GYPC: variants seen among roughly 807,000 people sequenced by gnomAD.
GYPC encodes glycophorin C (Gerbich blood group).
A neutral mutation model predicts 12.6 loss-of-function variants in GYPC; 14 were observed. That is an observed-to-expected ratio of 1.11 (90% CI 0.74 to 1.74). The LOEUF (loss-of-function observed/expected upper bound fraction) is 1.74. Ranked by LOEUF, GYPC falls within the 40% of genes most tolerant of loss-of-function variation. GYPC has a pLI of 0.00. For synonymous variants in GYPC, 78 were observed against 62.1 expected (o/e 1.26, Z -1.20); for missense variants, 225 against 172.1 (o/e 1.31, Z -1.72).
intron 1 of GYPC, chr2:126,685,838 A>T (rs1174438493): frequency 1.0e-6 from 1 of 985,080 alleles, no homozygotes; most frequent in Non-Finnish European, 1.2e-6. Context: ...GAAGTCTCCA[A>T]GGACCCCCAT....
intron 1 of GYPC, chr2:126,686,462 G>A (rs560765748): frequency 8.1e-5 from 80 of 985,402 alleles, no homozygotes; most frequent in Non-Finnish European, 9.6e-5. Flanking sequence ...CAAATCCCAT[G>A]GATGAAAAGC....
intron 1 of GYPC, among the ~76,000 whole-genome samples, chr2:126,666,053 T>A (rs893523099): frequency 3.2e-4 from 49 of 152,154 alleles, no homozygotes; most frequent in Admixed American, 2.6e-3. Flanking sequence ...CCTTTCTTTG[T>A]TCCCCCCACA....
intron 1 of GYPC, among the ~76,000 whole-genome samples, chr2:126,677,247 G>T (rs988983657): frequency 3.3e-5 from 5 of 151,994 alleles, no homozygotes; most frequent in Non-Finnish European, 5.9e-5. Flanking sequence ...GTGTGTAAGA[G>T]TATATGTGTA....
rs542318572 is a variant in GYPC, at chr2:126,694,159, A to G, written c.190+212A>G. On this transcript the variant is annotated intron_variant, in intron 3 of 3. Coordinates refer to ENST00000259254, the MANE Select transcript of GYPC (RefSeq NM_002101.5). ...ATCGTACGTATCTATGTATGTATTTATTGGCCTTTCTCAGGGCTTTTGACT... is the reference window on the plus strand; with the variant it reads ...ATCGTACGTATCTATGTATGTATTTGTTGGCCTTTCTCAGGGCTTTTGACT... 3.3e-5 allele frequency among the ~76,000 whole-genome samples: 5 copies of G among 152,222 alleles called. No homozygotes were observed. The South Asian group carries it at 1.0e-3, about 32-fold the overall frequency.
At chr2:126,684,232 T>C (rs1309304250) in intron 1 of GYPC, among the ~76,000 whole-genome samples, 1 of 152,182 alleles carries the variant, frequency 6.6e-6, no homozygotes, top group East Asian at 1.9e-4. Flanking sequence ...AACAGGCTGG[T>C]CAAGTTCACA....
chr2:126,689,048 C>T (rs1430769124), intron 1 of GYPC, among the ~76,000 whole-genome samples: 2 of 152,178 alleles, frequency 1.3e-5, no homozygotes, highest in Non-Finnish European at 1.5e-5. Context: ...CATCAGGTCC[C>T]CAATGTCCTA....
intron 1 of GYPC, among the ~76,000 whole-genome samples, chr2:126,672,984 G>T (rs1043433925): frequency 2.6e-5 from 4 of 152,084 alleles, no homozygotes; most frequent in Non-Finnish European, 5.9e-5. Context: ...ACCCATGTCA[G>T]AGGTACAGAC....
chr2:126,689,685 C>T (rs1683398014), intron 1 of GYPC, among the ~76,000 whole-genome samples: 1 of 152,086 alleles, frequency 6.6e-6, no homozygotes, highest in African/African-American at 2.4e-5. Context: ...CTTGTGGTCT[C>T]TTTGCGAATG....
At chr2:126,685,939 ACT>A in intron 1 of GYPC, 1 of 984,278 alleles carries the variant, frequency 1.0e-6, no homozygotes, top group Non-Finnish European at 1.2e-6. Context: ...AGCCATCCTC[ACT>A]CTCAACTCCC....
intron 2 of GYPC, 105 bp from the exon 3 acceptor site, chr2:126,693,759 C>T (rs1683546104): frequency 2.5e-6 from 2 of 813,386 alleles, no homozygotes; most frequent in Non-Finnish European, 4.4e-6. Context: ...TGGACCCATT[C>T]TCAGAGCTGC....
intron 1 of GYPC, among the ~76,000 whole-genome samples, chr2:126,666,102 G>A (rs928763408): frequency 2.6e-5 from 4 of 152,182 alleles, no homozygotes; most frequent in Middle Eastern, 3.2e-3. Context: ...TCCTCCGCAG[G>A]CACCCACCTG....
At chr2:126,690,769 T>C (rs28387206) in intron 2 of GYPC, among the ~76,000 whole-genome samples, 1,609 of 152,198 alleles carry the variant, frequency 0.011, 32 homozygotes, top group African/African-American at 0.037. Flanking sequence ...CAAGGAAACT[T>C]GAGCCTGCCT....
chr2:126,693,066 A>C (rs907218317), intron 2 of GYPC, among the ~76,000 whole-genome samples: 1 of 152,214 alleles, frequency 6.6e-6, no homozygotes, highest in African/African-American at 2.4e-5. Context: ...TTGACCCTGC[A>C]AAAGCTCATG....
chr2:126,668,678 C>T (rs568725856), intron 1 of GYPC, among the ~76,000 whole-genome samples: 70 of 152,294 alleles, frequency 4.6e-4, no homozygotes, highest in African/African-American at 1.6e-3. Context: ...AATTGGATTG[C>T]GAGAGCAATT....
chr2:126,677,519 C>CTG (rs1329254597), intron 1 of GYPC, among the ~76,000 whole-genome samples: 2 of 74,888 alleles, frequency 2.7e-5, no homozygotes, highest in Non-Finnish European at 3.3e-5. Context: ...GTGTGTGAGT[C>CTG]TGTGTGTGTG....
intron 1 of GYPC, among the ~76,000 whole-genome samples, chr2:126,662,652 A>G (rs10928979): frequency 0.51 from 77,887 of 152,020 alleles, 21,508 homozygotes; most frequent in East Asian, 0.65. Context: ...TTTGAATAAG[A>G]GGCCTCATGT....
intron 1 of GYPC, among the ~76,000 whole-genome samples, chr2:126,665,557 G>A (rs953110179): frequency 2.6e-5 from 4 of 152,166 alleles, no homozygotes; most frequent in Non-Finnish European, 4.4e-5. Context: ...AGATAAGGCT[G>A]GAGGACATCA....
chr2:126,684,897 C>T (rs1026909841), intron 1 of GYPC, among the ~76,000 whole-genome samples: 6 of 152,270 alleles, frequency 3.9e-5, no homozygotes, highest in Middle Eastern at 3.4e-3. Context: ...TTTGCACCTC[C>T]CCAGCCAAGT....
At chr2:126,674,503 C>A (rs1479467043) in intron 1 of GYPC, among the ~76,000 whole-genome samples, 1 of 152,134 alleles carries the variant, frequency 6.6e-6, no homozygotes, top group Non-Finnish European at 1.5e-5. Context: ...GAAAGGGGCA[C>A]TAGAGAGGCC....
Sources: gnomAD v4.1 joint callset for allele counts (sites outside exome capture counted in the v4.1 genomes callset) on GRCh38, gnomAD v4.1.1 for gene constraint, MANE v1.5 for transcripts, NCBI Gene and HGNC (gene_info 2026-07-23, HGNC 2026-07-21) for gene names.